SDHAF4: variants seen among roughly 807,000 people sequenced by gnomAD.
SDHAF4 encodes the protein succinate dehydrogenase complex assembly factor 4.
A neutral mutation model predicts 14.3 loss-of-function variants in SDHAF4; 14 were observed. The observed-to-expected ratio is 0.98, with a 90% CI of 0.65 to 1.53. The LOEUF (loss-of-function observed/expected upper bound fraction) is 1.53. SDHAF4 is among the 40% of genes most tolerant of loss of function. The pLI, the probability that SDHAF4 is intolerant of heterozygous loss-of-function variation, is 0.00. For synonymous variants in SDHAF4, 63 were observed against 47.3 expected (o/e 1.33, Z -1.36); for missense variants, 141 against 129.3 (o/e 1.09, Z -0.44).
chr6:70,586,971 C>G (rs2128536184), intron 2 of SDHAF4, among the ~76,000 whole-genome samples: 1 of 151,604 alleles, frequency 6.6e-6, no homozygotes, highest in South Asian at 2.1e-4. Flanking sequence ...GAGTTCAAGA[C>G]CAGCCTGGTC....
In SDHAF4 at chr6:70,566,960, C is replaced by G; in HGVS notation, c.20C>G (p.Pro7Arg). 1 of 1,591,782 alleles carries G rather than the reference C, an allele frequency of 6.3e-7. No homozygotes were observed. Among genetic ancestry groups the G allele is most frequent in the Non-Finnish European group, 8.6e-7 (1 of 1,169,436 alleles). MTPSRL[P>R]WLLSWVSATA... ...GGCGCCATGACCCCATCGAGGCTTC[C>G]CTGGTTGCTTAGCTGGGTCTCGGCC... The change falls in exon 1 of 3, where the codon CCC becomes CGC. Residue 7 changes from proline to arginine, a missense_variant. Transcript: ENST00000370474.
chr6:70,593,195 C>G (rs963821956), downstream of SDHAF4, among the ~76,000 whole-genome samples: 2 of 152,228 alleles, frequency 1.3e-5, no homozygotes, highest in African/African-American at 4.8e-5. Context: ...GCTCATGCCC[C>G]CACTCCAGAG....
At chr6:70,578,438 G>A (rs1478575745) in intron 1 of SDHAF4, among the ~76,000 whole-genome samples, 1 of 152,202 alleles carries the variant, frequency 6.6e-6, no homozygotes, top group East Asian at 1.9e-4. Flanking sequence ...TGCTTGTTGA[G>A]TTGTTTAAGT....
At chr6:70,594,008 T>G (rs1255048868), downstream of SDHAF4, among the ~76,000 whole-genome samples, 1 of 152,218 alleles carries the variant, frequency 6.6e-6, no homozygotes, top group Non-Finnish European at 1.5e-5. Flanking sequence ...CTTCAAGATT[T>G]AATGTCTTCC....
chr6:70,571,163 G>A (rs1291670202), intron 1 of SDHAF4, among the ~76,000 whole-genome samples: 8 of 151,898 alleles, frequency 5.3e-5, no homozygotes, highest in Non-Finnish European at 8.8e-5. Flanking sequence ...TTACTTAATT[G>A]ATTTTTCTTT....
rs558790451 is a variant in SDHAF4 at position 70,569,200 on chromosome 6, G to A, written c.64+2196G>A. Among the ~76,000 whole-genome samples the A allele has an allele frequency of 4.1e-4, 62 of 151,814 alleles. No individual in the cohort carries two copies. In the East Asian group the frequency reaches 9.9e-3, roughly 24 times the overall value. On this transcript the variant is annotated intron_variant, in intron 1 of 2. Coordinates refer to ENST00000370474, the MANE Select transcript of SDHAF4 (RefSeq NM_145267.3). ...AGGATGGTCTCGATCTCCTGACCTC[G>A]TGATCCGCCCGTCTCGGCCTCCCAA...
chr6:70,586,901 G>C (rs889434951), intron 2 of SDHAF4, among the ~76,000 whole-genome samples: 5 of 152,208 alleles, frequency 3.3e-5, no homozygotes, highest in African/African-American at 7.2e-5. Context: ...GGGCACAGTG[G>C]CTCACGCCTG....
rs1213008708 is a variant in SDHAF4, at chr6:70,588,855, A to ATATATATATATATATATATATATATG, written c.*132_*133insATATATATATATATATATATATATGT. On this transcript the variant is annotated 3_prime_UTR_variant, in exon 3 of 3. Coordinates refer to ENST00000370474, the MANE Select transcript of SDHAF4 (RefSeq NM_145267.3). ...ATAATGTGTTTAAATATATATATAT[A>ATATATATATATATATATATATATATG]TGATGGCTTTGGAAGAAAATATGCT... 1 of 325,520 alleles carries ATATATATATATATATATATATATATG rather than the reference A, an allele frequency of 3.1e-6. No homozygotes were observed. Among genetic ancestry groups the ATATATATATATATATATATATATATG allele is most frequent in the Non-Finnish European group, 5.7e-6 (1 of 175,698 alleles). 20.2% of individuals were successfully genotyped at this position (325,520 alleles called of 1,614,324 possible).
intron 1 of SDHAF4, among the ~76,000 whole-genome samples, chr6:70,573,214 A>T (rs61352882): frequency 0.025 from 3,568 of 145,564 alleles, 97 homozygotes; most frequent in African/African-American, 0.071. Context: ...TTGCAACTTT[A>T]TTCCAGATTA....
intron 1 of SDHAF4, among the ~76,000 whole-genome samples, chr6:70,577,073 G>T (rs1802264985): frequency 6.6e-6 from 1 of 152,074 alleles, no homozygotes; most frequent in Admixed American, 6.6e-5. Context: ...TCCTTGGCTT[G>T]CCCCCTTCCT....
intron 1 of SDHAF4, among the ~76,000 whole-genome samples, chr6:70,568,206 T>A (rs1319053478): frequency 6.6e-6 from 1 of 152,170 alleles, no homozygotes; most frequent in Non-Finnish European, 1.5e-5. Context: ...CTCAAGGTAA[T>A]AACGTTAAAA....
chr6:70,594,781 G>C, the SDHAF4 span, among the ~76,000 whole-genome samples: 66 of 152,174 alleles, frequency 4.3e-4, no homozygotes, highest in Non-Finnish European at 8.1e-4. Flanking sequence ...ATGTGGTGGT[G>C]CACACCTGTA....
rs5877254 is a variant in SDHAF4, at chr6:70,568,962, C to CTTTTTTTTTTTTTTTTTTTTTTTTTTT, written c.64+1979_64+1980insTTTTTTTTTTTTTTTTTTTTTTTTTTT. Among the ~76,000 whole-genome samples the CTTTTTTTTTTTTTTTTTTTTTTTTTTT allele has an allele frequency of 3.3e-4, 32 of 97,998 alleles. 3 individuals carry two copies. The highest frequency in any genetic ancestry group is 1.3e-3 in the African/African-American group (31 of 23,734). The allele number at this position is 97,998 out of a possible 152,430, so 64.3% of individuals were successfully genotyped here. A position where few individuals can be genotyped will look rare whatever the true frequency, so the allele number is the denominator to read the frequency against. On this transcript the variant is annotated intron_variant, in intron 1 of 2. Coordinates refer to ENST00000370474, the MANE Select transcript of SDHAF4 (RefSeq NM_145267.3). ...TTTGTGAAATACCTCTTTCTTTTTT[C>CTTTTTTTTTTTTTTTTTTTTTTTTTTT]TTTTTTTTTTTTTTTTTTTTTGAGG...
chr6:70,597,261 T>C, the SDHAF4 span, among the ~76,000 whole-genome samples: 1 of 151,346 alleles, frequency 6.6e-6, no homozygotes, highest in Non-Finnish European at 1.5e-5. Context: ...GCCTCCCAAA[T>C]AGTTGAGATT....
intron 2 of SDHAF4, among the ~76,000 whole-genome samples, chr6:70,587,130 C>T (rs954543091): frequency 2.7e-5 from 4 of 148,474 alleles, no homozygotes; most frequent in African/African-American, 1.0e-4. Context: ...GAGATCATGC[C>T]ATTGCACTCC....
At chr6:70,572,752 C>A (rs1446370986) in intron 1 of SDHAF4, among the ~76,000 whole-genome samples, 1 of 151,786 alleles carries the variant, frequency 6.6e-6, no homozygotes, top group Non-Finnish European at 1.5e-5. Context: ...GACTAATAGT[C>A]TCTTTACCCT....
intron 1 of SDHAF4, among the ~76,000 whole-genome samples, chr6:70,575,900 G>A (rs1395203704): frequency 6.6e-6 from 1 of 151,876 alleles, no homozygotes; most frequent in Non-Finnish European, 1.5e-5. Flanking sequence ...TGTTAAAAGA[G>A]GCTTTTGTTT....
intron 2 of SDHAF4, among the ~76,000 whole-genome samples, chr6:70,582,581 T>C (rs1336349639): frequency 2.0e-5 from 3 of 152,178 alleles, no homozygotes; most frequent in Admixed American, 2.0e-4. Context: ...CCTGATCTCA[T>C]ATCCTCCTCT....
At chr6:70,573,648 TTTTTCTTTTCTTTTC>T (rs752249033) in intron 1 of SDHAF4, among the ~76,000 whole-genome samples, 1 of 151,614 alleles carries the variant, frequency 6.6e-6, no homozygotes. Context: ...CTAATTTTTC[TTTTTCTTTTCTTTTC>T]TTTTCTTTTT....
Sources: gnomAD v4.1 joint callset for allele counts (sites outside exome capture counted in the v4.1 genomes callset) on GRCh38, gnomAD v4.1.1 for gene constraint, MANE v1.5 for transcripts, NCBI Gene and HGNC (gene_info 2026-07-23, HGNC 2026-07-21) for gene names.